The following CLSTN2 variants were observed in gnomAD, a reference collection of about 807,000 sequenced individuals.
The protein encoded by CLSTN2 is calsyntenin 2.
Under a neutral mutation model 101.2 loss-of-function variants are expected in CLSTN2, and 48 were observed. The observed-to-expected ratio is 0.47, with a 90% CI of 0.38 to 0.60. The LOEUF (loss-of-function observed/expected upper bound fraction) is 0.60. Among genes scored for constraint, CLSTN2 ranks in the 20% least tolerant of loss-of-function variants. CLSTN2 has a pLI of 0.00. For synonymous variants in CLSTN2, 481 were observed against 463.6 expected (o/e 1.04, Z -0.48); for missense variants, 1,160 against 1,238.2 (o/e 0.94, Z 0.95).
At chr3:140,410,116 A>G (rs921174813) in intron 4 of CLSTN2, among the ~76,000 whole-genome samples, 1 of 152,130 alleles carries the variant, frequency 6.6e-6, no homozygotes, top group African/African-American at 2.4e-5. Flanking sequence ...AGAAAGAGGT[A>G]GAAAGCTTAT....
chr3:140,164,379 A>G (rs182141638), intron 1 of CLSTN2, among the ~76,000 whole-genome samples: 1 of 152,212 alleles, frequency 6.6e-6, no homozygotes, highest in Admixed American at 6.5e-5. Context: ...GAGGTGCAGA[A>G]CTGAAAACCT....
At chr3:140,381,374 T>C (rs981270297) in intron 2 of CLSTN2, among the ~76,000 whole-genome samples, 2 of 152,182 alleles carry the variant, frequency 1.3e-5, no homozygotes, top group African/African-American at 2.4e-5. Context: ...CACATCTTTT[T>C]TGGGGGGACA....
chr3:140,396,896 A>G (rs2088188557), intron 2 of CLSTN2, among the ~76,000 whole-genome samples: 2 of 152,156 alleles, frequency 1.3e-5, no homozygotes, highest in African/African-American at 4.8e-5. Context: ...TAAATTGTAA[A>G]AACAGCAGTT....
chr3:140,558,323 C>T (rs1333127878), intron 11 of CLSTN2, among the ~76,000 whole-genome samples: 1 of 152,218 alleles, frequency 6.6e-6, no homozygotes, highest in Non-Finnish European at 1.5e-5. Context: ...TACTAAAGCA[C>T]ATAACAAGCA....
At chr3:140,056,249 T>A (rs2008093935) in intron 1 of CLSTN2, among the ~76,000 whole-genome samples, 1 of 152,184 alleles carries the variant, frequency 6.6e-6, no homozygotes, top group Admixed American at 6.5e-5. Context: ...CCTCAGCACC[T>A]AGCACAGTGC....
intron 1 of CLSTN2, among the ~76,000 whole-genome samples, chr3:140,139,708 T>G (rs1223255209): frequency 6.6e-6 from 1 of 152,238 alleles, no homozygotes; most frequent in Non-Finnish European, 1.5e-5. Flanking sequence ...CAGTGTATAT[T>G]GAATGCCTGC....
Position 140,466,666 on chromosome 3 carries a change from T to C in CLSTN2, c.1279T>C (p.Leu427=). The C allele has an allele frequency of 6.2e-7, 1 of 1,614,152 alleles. No individual in the cohort carries two copies. The highest frequency in any genetic ancestry group is 1.7e-5 in the Admixed American group (1 of 60,030). The part of the protein sequence containing the change: ...YVHNCRLVFL[L]RKDFDQADTF... ...GCACAACTGCCGCCTCGTCTTTCTC[T>C]TGCGGAAGGACTTCGACCAGGCTGA... is the stretch of plus-strand genomic sequence containing the variant. Residue 427 remains leucine, a synonymous_variant, in exon 8 of 17, where the codon TTG becomes CTG. Coordinates refer to ENST00000458420, the MANE Select transcript of CLSTN2 (RefSeq NM_022131.3).
At chr3:140,533,299 A>G (rs571743433) in intron 9 of CLSTN2, among the ~76,000 whole-genome samples, 1 of 152,344 alleles carries the variant, frequency 6.6e-6, no homozygotes, top group Admixed American at 6.5e-5. Flanking sequence ...CCAAATAAGC[A>G]GATTAGTACT....
intron 2 of CLSTN2, among the ~76,000 whole-genome samples, chr3:140,230,328 T>G (rs1203738580): frequency 6.6e-6 from 1 of 152,220 alleles, no homozygotes; most frequent in African/African-American, 2.4e-5. Context: ...GTCAAACCAG[T>G]GGGTATTTTA....
At chr3:140,052,023 G>A (rs894676795) in intron 1 of CLSTN2, among the ~76,000 whole-genome samples, 10 of 152,240 alleles carry the variant, frequency 6.6e-5, no homozygotes, top group Admixed American at 2.0e-4. Context: ...CGAAGACTCA[G>A]ATAGTTTAAG....
intron 2 of CLSTN2, among the ~76,000 whole-genome samples, chr3:140,184,963 A>C (rs2010465845): frequency 6.6e-6 from 1 of 152,188 alleles, no homozygotes; most frequent in Non-Finnish European, 1.5e-5. Flanking sequence ...TGGGAGGCAC[A>C]TAGCTACCAC....
At chr3:140,358,260 A>C (rs542461102) in intron 2 of CLSTN2, among the ~76,000 whole-genome samples, 49 of 152,068 alleles carry the variant, frequency 3.2e-4, no homozygotes, top group African/African-American at 1.2e-3. Flanking sequence ...TGGCTTTAGG[A>C]AGCATTTAAA....
chr3:140,086,068 T>C (rs1425008899), intron 1 of CLSTN2, among the ~76,000 whole-genome samples: 1 of 152,204 alleles, frequency 6.6e-6, no homozygotes, highest in East Asian at 1.9e-4. Context: ...AAGTCCATAA[T>C]AATAATAGAC....
chr3:140,007,223 G>A (rs571417305), intron 1 of CLSTN2, among the ~76,000 whole-genome samples: 2 of 152,316 alleles, frequency 1.3e-5, no homozygotes, highest in Admixed American at 6.5e-5. Context: ...GGCTTGCTGA[G>A]GAAATAGCAC....
At chr3:140,161,443 A>C (rs1376518932) in intron 1 of CLSTN2, among the ~76,000 whole-genome samples, 1 of 152,196 alleles carries the variant, frequency 6.6e-6, no homozygotes, top group Non-Finnish European at 1.5e-5. Flanking sequence ...ACTCAAGTTC[A>C]TACAAGAAAA....
chr3:140,414,927 A>G (rs1208288404), intron 4 of CLSTN2, among the ~76,000 whole-genome samples: 10 of 152,030 alleles, frequency 6.6e-5, no homozygotes, highest in Admixed American at 6.6e-4. Flanking sequence ...ATTTCAAACT[A>G]TAAAACTATA....
At chr3:139,992,633 C>T (rs1223250688) in intron 1 of CLSTN2, among the ~76,000 whole-genome samples, 3 of 152,206 alleles carry the variant, frequency 2.0e-5, no homozygotes, top group South Asian at 2.1e-4. Context: ...AGCTCCTGTG[C>T]CCCTTATCTG....
At chr3:140,408,916 C>T (rs940743393) in intron 4 of CLSTN2, among the ~76,000 whole-genome samples, 7 of 152,220 alleles carry the variant, frequency 4.6e-5, no homozygotes, top group Admixed American at 2.0e-4. Context: ...TGCCTACATG[C>T]GTGCTTACCC....
At chr3:140,364,268 A>G (rs1282186209) in intron 2 of CLSTN2, among the ~76,000 whole-genome samples, 7 of 152,094 alleles carry the variant, frequency 4.6e-5, no homozygotes, top group Non-Finnish European at 8.8e-5. Context: ...GGAGGTCTGA[A>G]TGGTGCTGGC....
Sources: gnomAD v4.1 joint callset for allele counts (sites outside exome capture counted in the v4.1 genomes callset) on GRCh38, gnomAD v4.1.1 for gene constraint, MANE v1.5 for transcripts, NCBI Gene and HGNC (gene_info 2026-07-23, HGNC 2026-07-21) for gene names.